Variants in FRMD4B observed in about 807,000 individuals in gnomAD.
FRMD4B encodes FERM domain-containing protein 4B.
Under a neutral mutation model 141.5 loss-of-function variants are expected in FRMD4B, and 74 were observed. The ratio of observed to expected loss-of-function variants is 0.52; its 90% CI spans 0.43 to 0.63. FRMD4B has a LOEUF of 0.63. FRMD4B is among the 30% of genes least tolerant of loss of function. The probability of loss-of-function intolerance (pLI) is 0.00; values close to 1 mark genes in which losing one functional copy is unlikely to be tolerated. For missense variants in FRMD4B, 1,366 were observed against 1,253.4 expected (o/e 1.09, Z -1.36); for synonymous variants, 506 against 467.9 (o/e 1.08, Z -1.05).
At chr3:69,316,657 T>C (rs1311734777) in intron 1 of FRMD4B, among the ~76,000 whole-genome samples, 2 of 152,206 alleles carry the variant, frequency 1.3e-5, no homozygotes, top group African/African-American at 2.4e-5. Context: ...TTTACTTCTT[T>C]TGTAAAACAA....
rs6801536 is a variant in FRMD4B at position 69,267,595 on chromosome 3, G to A, written c.502-17496C>T. ...TATATATATGTGTGTGTGTGTGTGT[G>A]TATATATATATATATATATATATAT... On this transcript the variant is annotated intron_variant, in intron 5 of 22. Coordinates refer to ENST00000398540, the MANE Select transcript of FRMD4B (RefSeq NM_015123.3). 6.8e-3 allele frequency among the ~76,000 whole-genome samples: 666 copies of A among 97,814 alleles called. 3 individuals are homozygous for A. The highest frequency in any genetic ancestry group is 0.027 in the African/African-American group (597 of 22,526). 64.2% of individuals were successfully genotyped at this position (97,814 alleles called of 152,430 possible).
chr3:69,260,759 G>A (rs1200129384), intron 5 of FRMD4B, among the ~76,000 whole-genome samples: 1 of 152,250 alleles, frequency 6.6e-6, no homozygotes, highest in African/African-American at 2.4e-5. Flanking sequence ...CTAGCTGGAG[G>A]ATTGTAAAAG....
intron 1 of FRMD4B, among the ~76,000 whole-genome samples, chr3:69,441,849 T>G (rs1486548365): frequency 6.6e-6 from 1 of 152,214 alleles, no homozygotes; most frequent in Non-Finnish European, 1.5e-5. Flanking sequence ...TCTAGTCTCT[T>G]GAACAAATAG....
chr3:69,440,557 C>A (rs759792251), intron 1 of FRMD4B, among the ~76,000 whole-genome samples: 2 of 152,232 alleles, frequency 1.3e-5, no homozygotes, highest in Non-Finnish European at 2.9e-5. Flanking sequence ...GTAATCCCAG[C>A]ACTTTGGGAA....
At chr3:69,248,205 CATG>C (rs938442429) in intron 7 of FRMD4B, among the ~76,000 whole-genome samples, 66 of 151,798 alleles carry the variant, frequency 4.3e-4, no homozygotes, top group African/African-American at 1.6e-3. Flanking sequence ...GTTTGATTTT[CATG>C]ATTTCTTCAA....
chr3:69,525,718 C>T (rs923571616), intron 1 of FRMD4B, among the ~76,000 whole-genome samples: 1 of 152,066 alleles, frequency 6.6e-6, no homozygotes, highest in African/African-American at 2.4e-5. Flanking sequence ...GTGGCACAAT[C>T]ACGGCTCACT....
intron 19 of FRMD4B, among the ~76,000 whole-genome samples, chr3:69,183,474 A>ATTTTTTTTTTT (rs771537044): frequency 8.8e-6 from 1 of 113,252 alleles, no homozygotes; most frequent in Non-Finnish European, 1.7e-5. Context: ...TTAGAAGTTA[A>ATTTTTTTTTTT]TTTTTTTTTT....
In FRMD4B at chr3:69,225,149, C is replaced by T. The variant is rs559990880; in HGVS notation, c.582-459G>A. Among the ~76,000 whole-genome samples the T allele has an allele frequency of 2.6e-4, 40 of 152,220 alleles. 1 individual carries two copies. In the East Asian group the frequency reaches 7.7e-3, roughly 29 times the overall value. On this transcript the variant is annotated intron_variant, in intron 7 of 22. Coordinates refer to ENST00000398540, the MANE Select transcript of FRMD4B (RefSeq NM_015123.3). ...GGTTTATGTAGTCTTTTATATTACT[C>T]TTCTGTTACTTCCTTACAACCCTCT... is the stretch of plus-strand genomic sequence containing the variant.
intron 5 of FRMD4B, among the ~76,000 whole-genome samples, chr3:69,266,294 C>A (rs1001427540): frequency 1.6e-4 from 24 of 151,996 alleles, no homozygotes; most frequent in African/African-American, 5.8e-4. Flanking sequence ...AAAGTGAGAA[C>A]CATTAAAGAG....
intron 1 of FRMD4B, among the ~76,000 whole-genome samples, chr3:69,462,330 A>G (rs1705720528): frequency 6.6e-6 from 1 of 152,064 alleles, no homozygotes; most frequent in South Asian, 2.1e-4. Context: ...GTTGAGGGTC[A>G]CTCCTGGAAA....
At chr3:69,236,763 T>G (rs4270510) in intron 7 of FRMD4B, among the ~76,000 whole-genome samples, 147,488 of 152,230 alleles carry the variant, frequency 0.97, 71,628 homozygotes, top group East Asian at 1. Context: ...ACTGTTAGGG[T>G]ATACTAAGGC....
chr3:69,202,970 GT>G (rs1180228511), intron 11 of FRMD4B, among the ~76,000 whole-genome samples: 1 of 151,586 alleles, frequency 6.6e-6, no homozygotes, highest in Non-Finnish European at 1.5e-5. Flanking sequence ...AAAAAACAAA[GT>G]GACAAAAATT....
intron 11 of FRMD4B, among the ~76,000 whole-genome samples, chr3:69,206,005 G>GTA (rs1248269343): frequency 6.6e-6 from 1 of 152,074 alleles, no homozygotes; most frequent in Non-Finnish European, 1.5e-5. Context: ...TACCCAAATG[G>GTA]TATACGCTGT....
At chr3:69,213,024 A>C (rs1423748597) in intron 11 of FRMD4B, among the ~76,000 whole-genome samples, 1 of 152,206 alleles carries the variant, frequency 6.6e-6, no homozygotes, top group Admixed American at 6.5e-5. Flanking sequence ...ACAAATGGAA[A>C]CAAGTATGAT....
intron 1 of FRMD4B, among the ~76,000 whole-genome samples, chr3:69,341,569 C>T (rs1223535418): frequency 6.6e-6 from 1 of 152,194 alleles, no homozygotes; most frequent in Non-Finnish European, 1.5e-5. Flanking sequence ...CACCACACTT[C>T]TGGCAGGCTC....
chr3:69,383,957 A>T (rs1704186689), intron 1 of FRMD4B, among the ~76,000 whole-genome samples: 1 of 148,958 alleles, frequency 6.7e-6, no homozygotes, highest in African/African-American at 2.5e-5. Context: ...GTGGGGACTT[A>T]TTTTTTTTTT....
At chr3:69,534,232 C>T (rs1287843118) in intron 1 of FRMD4B, among the ~76,000 whole-genome samples, 1 of 152,198 alleles carries the variant, frequency 6.6e-6, no homozygotes, top group Admixed American at 6.5e-5. Flanking sequence ...TTACCTAATA[C>T]ATATTTTTAC....
chr3:69,256,921 G>A (rs1324546376), intron 5 of FRMD4B, among the ~76,000 whole-genome samples: 1 of 152,170 alleles, frequency 6.6e-6, no homozygotes, highest in Non-Finnish European at 1.5e-5. Context: ...CATTCTTCTA[G>A]ATCAGGGTTT....
chr3:69,508,703 A>C (rs774534296), intron 1 of FRMD4B, among the ~76,000 whole-genome samples: 18 of 152,348 alleles, frequency 1.2e-4, no homozygotes, highest in Admixed American at 2.0e-4. Flanking sequence ...AAATTTTAAA[A>C]TATCAGGTGA....
Sources: allele counts gnomAD v4.1 joint callset (sites outside exome capture counted in the v4.1 genomes callset), GRCh38; gene constraint gnomAD v4.1.1; transcripts MANE v1.5; gene names NCBI Gene and HGNC (gene_info 2026-07-23, HGNC 2026-07-21).